EYA2: variants seen among roughly 807,000 people sequenced by gnomAD.
EYA2 encodes EYA transcriptional coactivator and phosphatase 2.
In EYA2, 31 loss-of-function variants were observed where a neutral mutation model predicts 69.2. The ratio of observed to expected loss-of-function variants is 0.45; its 90% CI spans 0.34 to 0.60. The LOEUF (loss-of-function observed/expected upper bound fraction) is 0.60, where lower values mean the gene tolerates loss of function less well. Among genes scored for constraint, EYA2 ranks in the 20% least tolerant of loss-of-function variants. EYA2 has a pLI of 0.02. For missense variants in EYA2, 622 were observed against 701.2 expected, an observed-to-expected ratio of 0.89 and a Z score of 1.28; for synonymous variants, 257 against 279.4, an observed-to-expected ratio of 0.92 and a Z score of 0.80.
chr20:47,078,810 A>AT (rs1443101060), intron 7 of EYA2, among the ~76,000 whole-genome samples: 1 of 152,204 alleles, frequency 6.6e-6, no homozygotes, highest in African/African-American at 2.4e-5. Context: ...GAGAAGAAGA[A>AT]TTTTTTTAAT....
intron 7 of EYA2, among the ~76,000 whole-genome samples, chr20:47,078,707 AT>A (rs374417853): frequency 9.8e-5 from 15 of 152,342 alleles, no homozygotes; most frequent in Admixed American, 4.6e-4. Flanking sequence ...TTACTTAAGG[AT>A]TTTTTTCTTT....
At chr20:47,030,824 C>T (rs1984369178) in intron 5 of EYA2, among the ~76,000 whole-genome samples, 1 of 152,124 alleles carries the variant, frequency 6.6e-6, no homozygotes, top group Non-Finnish European at 1.5e-5. Flanking sequence ...GTGGTGCAAT[C>T]GTAGTCACTA....
chr20:46,916,937 C>T (rs979305708), intron 1 of EYA2, among the ~76,000 whole-genome samples: 5 of 151,992 alleles, frequency 3.3e-5, no homozygotes, highest in African/African-American at 9.7e-5. Flanking sequence ...AGAGAGATAA[C>T]CTATAAAATA....
At chr20:47,114,067 G>T (rs1054702483) in intron 9 of EYA2, among the ~76,000 whole-genome samples, 21 of 152,114 alleles carry the variant, frequency 1.4e-4, no homozygotes, top group Admixed American at 1.0e-3. Flanking sequence ...TCTGTCGGGG[G>T]AGAATGGGCA....
intron 9 of EYA2, among the ~76,000 whole-genome samples, chr20:47,139,376 C>G (rs562920832): frequency 6.6e-6 from 1 of 152,274 alleles, no homozygotes; most frequent in East Asian, 1.9e-4. Flanking sequence ...TTTTTCCTGC[C>G]CAGGGGCAAC....
intron 5 of EYA2, among the ~76,000 whole-genome samples, chr20:47,055,310 C>T (rs2030553301): frequency 6.6e-6 from 1 of 152,194 alleles, no homozygotes; most frequent in African/African-American, 2.4e-5. Flanking sequence ...TTATGGGTTA[C>T]CATTCCCGAG....
At chr20:46,954,922 T>A (rs1979028111) in intron 1 of EYA2, among the ~76,000 whole-genome samples, 1 of 152,184 alleles carries the variant, frequency 6.6e-6, no homozygotes, top group South Asian at 2.1e-4. Context: ...GTCATTTGCC[T>A]TGATTTTGGG....
At chr20:46,915,673 TA>T (rs1449949458) in intron 1 of EYA2, among the ~76,000 whole-genome samples, 1 of 152,206 alleles carries the variant, frequency 6.6e-6, no homozygotes, top group Non-Finnish European at 1.5e-5. Context: ...TGCCGGCATT[TA>T]AAAATTAGGA....
At chr20:47,057,518 C>A (rs568816431) in intron 5 of EYA2, among the ~76,000 whole-genome samples, 4 of 150,992 alleles carry the variant, frequency 2.6e-5, no homozygotes, top group East Asian at 2.0e-4. Context: ...TCACCCCCCC[C>A]CCCCATCTCA....
chr20:47,086,042 A>G (rs1035963847), intron 7 of EYA2, among the ~76,000 whole-genome samples: 4 of 152,212 alleles, frequency 2.6e-5, no homozygotes, highest in African/African-American at 9.6e-5. Context: ...TAAAAGAGAG[A>G]AAGAAAAAGA....
intron 1 of EYA2, among the ~76,000 whole-genome samples, chr20:46,983,314 TCTC>T (rs1366468299): frequency 1.3e-5 from 2 of 152,144 alleles, no homozygotes; most frequent in Non-Finnish European, 2.9e-5. Flanking sequence ...GAAGATGACA[TCTC>T]CTCCAAAAGA....
intron 9 of EYA2, among the ~76,000 whole-genome samples, chr20:47,100,003 CTTTGGTTTGGTTTGGTTTGG>C (rs58530559): frequency 0.036 from 5,526 of 151,644 alleles, 307 homozygotes; most frequent in African/African-American, 0.12. Flanking sequence ...GGACAGGGAC[CTTTGGTTTGGTTTGGTTTGG>C]TTTGGTTTGG....
At chr20:47,095,603 A>G (rs1270656423) in intron 8 of EYA2, among the ~76,000 whole-genome samples, 2 of 152,158 alleles carry the variant, frequency 1.3e-5, no homozygotes, top group East Asian at 1.9e-4. Context: ...AAAAAAAGGT[A>G]AAACCTACAA....
At chr20:46,903,955 G>A (rs1440688487) in intron 1 of EYA2, among the ~76,000 whole-genome samples, 1 of 152,204 alleles carries the variant, frequency 6.6e-6, no homozygotes, top group Admixed American at 6.5e-5. Flanking sequence ...CAATGAGCTA[G>A]CTATTGAGAT....
chr20:47,167,213 G>A (rs3092020), intron 10 of EYA2, among the ~76,000 whole-genome samples: 89,464 of 150,764 alleles, frequency 0.59, 27,449 homozygotes, highest in African/African-American at 0.75. Context: ...TACTGGCTTC[G>A]AACAACACAC....
chr20:47,123,096 C>T (rs1316985709), intron 9 of EYA2, among the ~76,000 whole-genome samples: 1 of 152,052 alleles, frequency 6.6e-6, no homozygotes, highest in Admixed American at 6.6e-5. Flanking sequence ...TGAGTTAATA[C>T]ATGTCGAGTG....
Position 46,937,156 on chromosome 20 carries a change from GA to G in EYA2, c.-11+42178del, listed in dbSNP as rs984626003. Among the ~76,000 whole-genome samples, 10 of 151,436 alleles carry G rather than the reference GA, an allele frequency of 6.6e-5. 1 individual carries two copies. In the South Asian group the frequency reaches 8.3e-4, roughly 13 times the overall value. On this transcript the variant is annotated intron_variant, in intron 1 of 15. Transcript: ENST00000327619. ...GACGTATCTAGCTCACATTTCAGAA[GA>G]AAAAAAAATCTCTGCAGTTAGGGCA...
intron 9 of EYA2, among the ~76,000 whole-genome samples, chr20:47,100,117 A>G (rs138810351): frequency 3.5e-4 from 53 of 152,298 alleles, no homozygotes; most frequent in Non-Finnish European, 6.0e-4. Context: ...TTGTTAAATG[A>G]AGGAAGGAAG....
At chr20:47,030,020 T>G (rs1984314574) in intron 5 of EYA2, among the ~76,000 whole-genome samples, 1 of 152,178 alleles carries the variant, frequency 6.6e-6, no homozygotes, top group Non-Finnish European at 1.5e-5. Flanking sequence ...TCTGTCATTG[T>G]AGATTGAAAA....
Sources: gnomAD v4.1 joint callset for allele counts (sites outside exome capture counted in the v4.1 genomes callset) on GRCh38, gnomAD v4.1.1 for gene constraint, MANE v1.5 for transcripts, NCBI Gene and HGNC (gene_info 2026-07-23, HGNC 2026-07-21) for gene names.